The following PSTPIP1 variants were observed in gnomAD, a reference collection of about 807,000 sequenced individuals.
PSTPIP1 encodes proline-serine-threonine phosphatase interacting protein 1, also known as proline-serine-threonine phosphatase-interacting protein 1.
PSTPIP1 carries 66 observed loss-of-function variants against 69.6 expected under a neutral mutation model. The observed-to-expected ratio is 0.95, with a 90% CI of 0.78 to 1.16. PSTPIP1 has a LOEUF of 1.16. PSTPIP1 is among the 50% of genes most tolerant of loss of function. The probability of loss-of-function intolerance (pLI) is 0.00; values close to 1 mark genes in which losing one functional copy is unlikely to be tolerated. For synonymous variants in PSTPIP1, 266 were observed against 222.7 expected (o/e 1.19, Z -1.73); for missense variants, 603 against 557.4 (o/e 1.08, Z -0.82).
At chr15:77,022,933 A>G (rs2076191901) in intron 3 of PSTPIP1, among the ~76,000 whole-genome samples, 1 of 152,236 alleles carries the variant, frequency 6.6e-6, no homozygotes, top group Non-Finnish European at 1.5e-5. Context: ...TAGCCAGGTC[A>G]TGGGGACAAA....
At chr15:77,018,052 G>A (rs2152678646) in intron 1 of PSTPIP1, 96 bp from the exon 2 acceptor site, 1 of 1,256,896 alleles carries the variant, frequency 8.0e-7, no homozygotes. Flanking sequence ...AGGCAGGAGG[G>A]AGGCTGTTCC....
chr15:76,995,373 A>G lies in PSTPIP1; in HGVS notation c.-201A>G, dbSNP rs570599592. The G allele has an allele frequency of 3.7e-5, 53 of 1,438,248 alleles. No homozygotes were observed. In the African/African-American group the frequency reaches 7.3e-4, roughly 20 times the overall value. The allele number at this position is 1,438,248 out of a possible 1,614,324, so 89.1% of individuals were successfully genotyped here. A position where few individuals can be genotyped will look rare whatever the true frequency, so the allele number is the denominator to read the frequency against. On this transcript the variant is annotated 5_prime_UTR_variant, in exon 1 of 15. Coordinates refer to ENST00000558012, the MANE Select transcript of PSTPIP1 (RefSeq NM_003978.5). ...ATTTTGCTGCTGATTCTAGCCCCAA[A>G]CAAAACAGGTTGAGCTTTTTCCTCC...
rs751889307 is a variant in PSTPIP1 at position 77,035,810 on chromosome 15, G to A, written c.994G>A (p.Glu332Lys). ...TSLAASAAST[E>K]TLTPTPERNE... ...TCTCACCCTGCTCTTAGCGTCCACA[G>A]AGACCCTGACCCCCACCCCCGAGCG... The change falls in exon 14 of 15, where the codon GAG becomes AAG. Residue 332 changes from glutamate (E) to lysine (K), a missense_variant. Transcript: ENST00000558012. 5.0e-6 allele frequency: 8 copies of A among 1,607,694 alleles called. No individual in the cohort carries two copies. Among genetic ancestry groups the A allele is most frequent in the East Asian group, 2.2e-5 (1 of 44,860 alleles).
intron 12 of PSTPIP1, among the ~76,000 whole-genome samples, chr15:77,034,090 GGGGGCTGGTCAGGCCTCTGGAT>G (rs1306843657): frequency 6.6e-6 from 1 of 152,160 alleles, no homozygotes; most frequent in African/African-American, 2.4e-5. Context: ...GGCTGCTGGA[GGGGGCTGGTCAGGCCTCTGGAT>G]GGGGCATCTA....
At chr15:77,004,338 C>A (rs1411009002) in intron 1 of PSTPIP1, among the ~76,000 whole-genome samples, 1 of 152,214 alleles carries the variant, frequency 6.6e-6, no homozygotes, top group Non-Finnish European at 1.5e-5. Context: ...TGACAGGCCA[C>A]CCACCATTGG....
intron 12 of PSTPIP1, among the ~76,000 whole-genome samples, chr15:77,035,120 G>A (rs570161322): frequency 2.6e-5 from 4 of 152,356 alleles, no homozygotes; most frequent in African/African-American, 7.2e-5. Flanking sequence ...GGGGCCTGGA[G>A]GGTGAGGACT....
In PSTPIP1 at chr15:77,037,025, G is replaced by A. The variant is rs200256020; in HGVS notation, c.1120-20G>A. 226 of 1,610,248 alleles carry A rather than the reference G, an allele frequency of 1.4e-4. No homozygotes were observed. The highest frequency in any genetic ancestry group is 1.6e-4 in the Middle Eastern group (1 of 6,068). On this transcript the variant is annotated intron_variant, in intron 14 of 14. Coordinates refer to ENST00000558012, the MANE Select transcript of PSTPIP1 (RefSeq NM_003978.5). Reference sequence around the variant, plus strand: ...CCTGCAGGCCCTTCCAACGTCATGCGCTTTCAATCTCTTGGCCAGAACCCA... The same window carrying A: ...CCTGCAGGCCCTTCCAACGTCATGCACTTTCAATCTCTTGGCCAGAACCCA...
chr15:77,031,511 C>T (rs1281646155), intron 10 of PSTPIP1: 3 of 431,070 alleles, frequency 7.0e-6, no homozygotes, highest in African/African-American at 2.0e-5. Flanking sequence ...TGTGGTTCCC[C>T]TGACTTCCTC....
rs761580488 is a variant in PSTPIP1 at position 77,032,892 on chromosome 15, G to A, written c.869G>A (p.Arg290Gln). 5.0e-6 allele frequency: 8 copies of A among 1,602,750 alleles called. No individual in the cohort carries two copies. The highest frequency in any genetic ancestry group is 2.2e-5 in the South Asian group (2 of 89,158). The change falls in exon 12 of 15, where the codon CGG (arginine) becomes CAG (glutamine). Residue 290 changes from arginine to glutamine, a missense_variant. By Grantham distance (43) the Arg-to-Gln change is conservative. Coordinates refer to ENST00000558012, the MANE Select transcript of PSTPIP1 (RefSeq NM_003978.5). ...APVPYQNYYDREVTPLTSSPG... is the reference protein window; with the variant it reads ...APVPYQNYYDQEVTPLTSSPG... Reference sequence around the variant, plus strand: ...GTGCCCTACCAGAACTATTACGATCGGGAGGTCACCCCGCTGACCAGCAGC... The same window carrying A: ...GTGCCCTACCAGAACTATTACGATCAGGAGGTCACCCCGCTGACCAGCAGC...
At chr15:77,016,662 G>A (rs1264375015) in intron 1 of PSTPIP1, among the ~76,000 whole-genome samples, 1 of 151,902 alleles carries the variant, frequency 6.6e-6, no homozygotes, top group Non-Finnish European at 1.5e-5. Flanking sequence ...CAGGCCAGGA[G>A]AGTCCACCTG....
At chr15:76,994,849 G>A (rs1033603956), upstream of PSTPIP1, 2 of 1,289,012 alleles carry the variant, frequency 1.6e-6, no homozygotes, top group Non-Finnish European at 2.0e-6. Flanking sequence ...CTAGTGCGGG[G>A]TGGGGAGTCT....
At chr15:77,033,507 G>A (rs534341498) in intron 12 of PSTPIP1, among the ~76,000 whole-genome samples, 43 of 152,214 alleles carry the variant, frequency 2.8e-4, no homozygotes, top group Non-Finnish European at 5.4e-4. Context: ...GAAGGTGACA[G>A]CCCATTGGGA....
rs113013219 is a variant in PSTPIP1, at chr15:77,017,948, A to C, written c.37-200A>C. 8.3e-3 allele frequency among the ~76,000 whole-genome samples: 1,263 copies of C among 152,162 alleles called. 12 individuals carry two copies. The highest frequency in any genetic ancestry group is 0.029 in the African/African-American group (1,201 of 41,520). On this transcript the variant is annotated intron_variant, in intron 1 of 14. Transcript: ENST00000558012. ...TCAGCTGGGTGGGGCTCACTTATGT[A>C]CCTGTCACCTCTGCAGATGTGAGGG... is the stretch of plus-strand genomic sequence containing the variant.
intron 1 of PSTPIP1, among the ~76,000 whole-genome samples, chr15:77,015,538 T>G (rs1596077770): frequency 6.6e-6 from 1 of 151,594 alleles, no homozygotes; most frequent in African/African-American, 2.4e-5. Flanking sequence ...GAGATGGAGG[T>G]AAGAGGAGTG....
intron 1 of PSTPIP1, among the ~76,000 whole-genome samples, chr15:76,999,090 C>T (rs773839829): frequency 6.6e-6 from 1 of 152,158 alleles, no homozygotes; most frequent in Non-Finnish European, 1.5e-5. Context: ...GGGTCCTCCC[C>T]CTGCCCCCAG....
rs114363839 is a variant in PSTPIP1 at position 77,027,095 on chromosome 15, C to T, written c.355-757C>T. Among the ~76,000 whole-genome samples the T allele has an allele frequency of 7.8e-4, 119 of 152,326 alleles. No homozygotes were observed. Among genetic ancestry groups the T allele is most frequent in the African/African-American group, 2.5e-3 (102 of 41,578 alleles). On this transcript the variant is annotated intron_variant, in intron 5 of 14. Transcript: ENST00000558012. This position sits in a 1 kb window ranked among gnomAD's most constrained non-coding sequence, Gnocchi z 4.3. ...CTGTGAGCATGTGTCCTTGTCCAGC[C>T]CTGTGCACTTGGGTGTTTTGTGCTG... is the stretch of plus-strand genomic sequence containing the variant.
chr15:77,000,460 G>GAT (rs1045472754), intron 1 of PSTPIP1, among the ~76,000 whole-genome samples: 2,011 of 141,726 alleles, frequency 0.014, 55 homozygotes, highest in African/African-American at 0.05. Context: ...TTTAAAGAGA[G>GAT]ATATATATAT....
At position 77,031,040 on chromosome 15, in the gene PSTPIP1, C is replaced by T. The variant is rs2076402869; in HGVS notation, c.643-140C>T. On this transcript the variant is annotated intron_variant, in intron 9 of 14. Transcript: ENST00000558012. ...TGGCCCGGAGTCGGGATGGGGACCC[C>T]AGGGCACTCTCTCCTTTGGACTGGG... 38 of 796,802 alleles carry T rather than the reference C, an allele frequency of 4.8e-5. No homozygotes were observed. In the South Asian group the frequency reaches 5.3e-4, roughly 11 times the overall value. The allele number at this position is 796,802 out of a possible 1,614,324, so 49.4% of individuals were successfully genotyped here. A position where few individuals can be genotyped will look rare whatever the true frequency, so the allele number is the denominator to read the frequency against.
chr15:77,035,785 T>G lies in PSTPIP1; in HGVS notation c.986-17T>G. 1 of 1,601,468 alleles carries G rather than the reference T, an allele frequency of 6.2e-7. No homozygotes were observed. Among genetic ancestry groups the G allele is most frequent in the Non-Finnish European group, 8.5e-7 (1 of 1,177,884 alleles). On this transcript the variant is annotated splice_polypyrimidine_tract_variant and intron_variant, in intron 13 of 14. Coordinates refer to ENST00000558012, the MANE Select transcript of PSTPIP1 (RefSeq NM_003978.5). The stretch of plus-strand genomic sequence containing the variant: ...GTCCCCAGAAGGGGAGGGGTCTATG[T>G]CTCACCCTGCTCTTAGCGTCCACAG...
Sources: allele counts gnomAD v4.1 joint callset (sites outside exome capture counted in the v4.1 genomes callset), GRCh38; gene constraint gnomAD v4.1.1; non-coding constraint Gnocchi (gnomAD v3.1); transcripts MANE v1.5; gene names NCBI Gene and HGNC (gene_info 2026-07-23, HGNC 2026-07-21).